Variants in HSD17B4 observed in about 807,000 individuals in gnomAD.
HSD17B4 encodes hydroxysteroid 17-beta dehydrogenase 4, also known as peroxisomal multifunctional enzyme type 2.
In HSD17B4, 70 loss-of-function variants were observed where a neutral mutation model predicts 101.0. The observed-to-expected ratio is 0.69, with a 90% CI of 0.57 to 0.85. The LOEUF (loss-of-function observed/expected upper bound fraction) is 0.85, where lower values mean the gene tolerates loss of function less well. Among genes scored for constraint, HSD17B4 ranks in the 40% least tolerant of loss-of-function variants. The probability of loss-of-function intolerance (pLI) is 0.00; values close to 1 mark genes in which losing one functional copy is unlikely to be tolerated. For missense variants in HSD17B4, 984 were observed against 892.4 expected (o/e 1.10, Z -1.31); for synonymous variants, 347 against 297.1 (o/e 1.17, Z -1.73).
In HSD17B4 at chr5:119,474,348, G is replaced by A. The variant is rs913852064; in HGVS notation, c.221-53G>A. ...GTACTCTGACCCACAGAATTTAGAA[G>A]TCCTTTGGAAGGGAGGTTGCCGAAA... On this transcript the variant is annotated intron_variant, in intron 3 of 23. Transcript: ENST00000510025. 8.6e-5 allele frequency: 94 copies of A among 1,089,480 alleles called. No individual in the cohort carries two copies. The African/African-American group carries it at 1.3e-3, about 15-fold the overall frequency. The allele number at this position is 1,089,480 out of a possible 1,614,324, so 67.5% of individuals were successfully genotyped here.
At chr5:119,494,329 C>T (rs867141002) in intron 11 of HSD17B4, among the ~76,000 whole-genome samples, 1 of 75,298 alleles carries the variant, frequency 1.3e-5, no homozygotes, top group South Asian at 4.2e-4. Context: ...TCTTTCTTTT[C>T]TTTCTTTCTT....
intron 21 of HSD17B4, 102 bp from the exon 22 acceptor site, chr5:119,531,164 C>T: frequency 1.7e-6 from 2 of 1,161,144 alleles, no homozygotes; most frequent in South Asian, 2.6e-5. Flanking sequence ...GACTTATGTA[C>T]AGAGTTTTAA....
In HSD17B4 at chr5:119,502,045, T is replaced by C; in HGVS notation, c.1214T>C (p.Leu405Pro). The stretch of plus-strand genomic sequence containing the variant: ...ATTTTGTTTACCCTAACATAGGTTC[T>C]TCATGGAGAGCAGTACTTAGAGTTA... ...PGLSINFAKV[L>P]HGEQYLELYK... The change falls in exon 14 of 24, where the codon CTT becomes CCT. Residue 405 changes from leucine (L) to proline (P), a missense_variant. Coordinates refer to ENST00000510025, the MANE Select transcript of HSD17B4 (RefSeq NM_000414.4). 6.2e-7 allele frequency: 1 copy of C among 1,604,266 alleles called. No individual in the cohort carries two copies.
At chr5:119,525,113 A>T (rs1183188702) in intron 17 of HSD17B4, 103 bp from the exon 18 acceptor site, 2 of 753,728 alleles carry the variant, frequency 2.7e-6, no homozygotes, top group Non-Finnish European at 4.8e-6. Flanking sequence ...CAGGTACATT[A>T]TGATACAATG....
At chr5:119,495,126 C>T (rs188242818) in intron 11 of HSD17B4, among the ~76,000 whole-genome samples, 2 of 151,452 alleles carry the variant, frequency 1.3e-5, no homozygotes, top group Non-Finnish European at 2.9e-5. Flanking sequence ...CAGATGATAA[C>T]ATGATTGTTA....
chr5:119,492,426 T>C (rs1338171025), intron 10 of HSD17B4: 7 of 329,224 alleles, frequency 2.1e-5, no homozygotes, highest in African/African-American at 8.3e-5. Flanking sequence ...CATCCTCCCA[T>C]GTCTTTGACT....
In HSD17B4 at chr5:119,542,328, C is replaced by G. The variant is rs35233505; in HGVS notation, c.*334C>G. On this transcript the variant is annotated 3_prime_UTR_variant, in exon 24 of 24. Transcript: ENST00000510025. ...ATTAAATCAATAAAGGCCTTTGATA[C>G]CTTTGTTTTTTTGTGATTTTCTGTT... The G allele has an allele frequency of 5.2e-6, 1 of 192,342 alleles. No individual in the cohort carries two copies. Among genetic ancestry groups the G allele is most frequent in the Non-Finnish European group, 1.1e-5 (1 of 93,614 alleles). 11.9% of individuals were successfully genotyped at this position (192,342 alleles called of 1,614,324 possible). A position where few individuals can be genotyped will look rare whatever the true frequency, so the allele number is the denominator to read the frequency against.
Position 119,475,811 on chromosome 5 carries a change from A to G in HSD17B4, c.303-13A>G, listed in dbSNP as rs1182252216. On this transcript the variant is annotated splice_polypyrimidine_tract_variant and intron_variant, in intron 5 of 23. Transcript: ENST00000510025. ...CTTTCCTCCTTTTACCCTATACAAC[A>G]TTGATTTTTTAGAATTCTGAGGGAT... 4 of 1,598,408 alleles carry G rather than the reference A, an allele frequency of 2.5e-6. No homozygotes were observed. Among genetic ancestry groups the G allele is most frequent in the Non-Finnish European group, 3.4e-6 (4 of 1,166,064 alleles).
At chr5:119,527,245 C>G in intron 20 of HSD17B4, 26 bp downstream of exon 20, 1 of 1,246,574 alleles carries the variant, frequency 8.0e-7, no homozygotes, top group Non-Finnish European at 1.2e-6. Context: ...TTTCACCCTT[C>G]TCACATGCTT....
chr5:119,461,123 C>T (rs544386409), intron 2 of HSD17B4, among the ~76,000 whole-genome samples: 1 of 152,240 alleles, frequency 6.6e-6, no homozygotes, highest in East Asian at 1.9e-4. Context: ...AAGCAATGTA[C>T]ATAATAGTCA....
chr5:119,533,277 T>C (rs544139058), intron 22 of HSD17B4, among the ~76,000 whole-genome samples: 13 of 122,446 alleles, frequency 1.1e-4, no homozygotes, highest in African/African-American at 4.1e-4. Flanking sequence ...CAAATATGCA[T>C]TGACAGGATG....
At position 119,478,983 on chromosome 5, in the gene HSD17B4, A is replaced by G. The variant is rs1475432031; in HGVS notation, c.584A>G (p.Asn195Ser). ...ATTCATTGTAACACCATTGCTCCTA[A>G]TGCGGGATCACGGATGACTCAGACA... ...SNIHCNTIAPNAGSRMTQTVM... is the reference protein window; with the variant it reads ...SNIHCNTIAPSAGSRMTQTVM... Residue 195 changes from asparagine (N) to serine (S), a missense_variant, in exon 8 of 24, where the codon AAT becomes AGT. Physicochemically the swap from Asn to Ser is conservative, Grantham distance 46 (BLOSUM62 1). Coordinates refer to ENST00000510025, the MANE Select transcript of HSD17B4 (RefSeq NM_000414.4). 2.0e-5 allele frequency: 32 copies of G among 1,613,586 alleles called. No individual in the cohort carries two copies. Among genetic ancestry groups the G allele is most frequent in the Non-Finnish European group, 2.6e-5 (31 of 1,179,708 alleles).
chr5:119,531,307 A>G lies in HSD17B4; in HGVS notation c.1896A>G (p.Gly632=). The change falls in exon 22 of 24, where the codon GGA becomes GGG. Residue 632 remains glycine, a synonymous_variant. Transcript: ENST00000510025. ...LQSTFVFEEI[G]RRLKDIGPEV... ...GTACCTTTGTATTTGAGGAAATAGGACGCCGCCTAAAGGATATTGGGCCTG... is the reference window on the plus strand; with the variant it reads ...GTACCTTTGTATTTGAGGAAATAGGGCGCCGCCTAAAGGATATTGGGCCTG... 1 of 1,613,496 alleles carries G rather than the reference A, an allele frequency of 6.2e-7. No homozygotes were observed. The highest frequency in any genetic ancestry group is 8.5e-7 in the Non-Finnish European group (1 of 1,179,562).
chr5:119,507,042 A>G (rs771232016), intron 15 of HSD17B4, among the ~76,000 whole-genome samples, 153 bp downstream of exon 15: 11 of 152,226 alleles, frequency 7.2e-5, no homozygotes, highest in Non-Finnish European at 1.3e-4. Flanking sequence ...TTTAAGAAAA[A>G]TAAAGAAGGA....
In HSD17B4 at chr5:119,502,078, C is replaced by A. The variant is rs1751218945; in HGVS notation, c.1247C>A (p.Pro416Gln). The change falls in exon 14 of 24, where the codon CCA (proline) becomes CAA (glutamine). Residue 416 changes from proline to glutamine, a missense_variant. Pro to Gln is a moderately conservative substitution (Grantham distance 76). Coordinates refer to ENST00000510025, the MANE Select transcript of HSD17B4 (RefSeq NM_000414.4). ...GAGCAGTACTTAGAGTTATATAAACCACTTCCCAGAGCAGGTGAGTTATTG... is the reference window on the plus strand; with the variant it reads ...GAGCAGTACTTAGAGTTATATAAACAACTTCCCAGAGCAGGTGAGTTATTG... ...HGEQYLELYK[P>Q]LPRAGKLKCE... The A allele has an allele frequency of 1.9e-6, 3 of 1,601,692 alleles. No homozygotes were observed. Among genetic ancestry groups the A allele is most frequent in the Non-Finnish European group, 2.6e-6 (3 of 1,169,028 alleles).
intron 13 of HSD17B4, among the ~76,000 whole-genome samples, chr5:119,500,901 C>T (rs187947130): frequency 2.6e-5 from 4 of 152,138 alleles, no homozygotes; most frequent in Admixed American, 2.0e-4. Context: ...AGGTTATGAG[C>T]CTGGTAATAA....
At chr5:119,535,203 C>T (rs938545551) in intron 22 of HSD17B4, among the ~76,000 whole-genome samples, 1 of 152,012 alleles carries the variant, frequency 6.6e-6, no homozygotes, top group Admixed American at 6.6e-5. Flanking sequence ...AAGACATTCT[C>T]TTATCTATTC....
intron 11 of HSD17B4, among the ~76,000 whole-genome samples, chr5:119,495,300 C>G (rs905369692): frequency 6.6e-6 from 1 of 152,134 alleles, no homozygotes; most frequent in African/African-American, 2.4e-5. Context: ...AAGTGTTAAA[C>G]TTATTAAAAA....
intron 2 of HSD17B4, among the ~76,000 whole-genome samples, chr5:119,459,117 C>T (rs1754961252): frequency 1.3e-5 from 2 of 152,198 alleles, no homozygotes; most frequent in South Asian, 4.1e-4. Context: ...TCTTAACTTC[C>T]TGTGGCCTGA....
Sources: allele counts gnomAD v4.1 joint callset (sites outside exome capture counted in the v4.1 genomes callset), GRCh38; gene constraint gnomAD v4.1.1; transcripts MANE v1.5; gene names NCBI Gene and HGNC (gene_info 2026-07-23, HGNC 2026-07-21).